SKOR1: variants seen among roughly 807,000 people sequenced by gnomAD.
SKOR1 encodes SKI family transcriptional corepressor 1.
A neutral mutation model predicts 72.4 loss-of-function variants in SKOR1; 38 were observed. The ratio of observed to expected loss-of-function variants is 0.52; its 90% CI spans 0.40 to 0.69. The LOEUF (loss-of-function observed/expected upper bound fraction) is 0.69. Ranked by LOEUF, SKOR1 falls within the 30% of genes least tolerant of loss-of-function variation. The pLI, the probability that SKOR1 is intolerant of heterozygous loss-of-function variation, is 0.00. For missense variants in SKOR1, 1,320 were observed against 1,343.2 expected (o/e 0.98, Z 0.27); for synonymous variants, 642 against 599.4 (o/e 1.07, Z -1.04).
rs1441300394 is a variant in SKOR1, at chr15:67,832,313, G to A, written c.2627G>A (p.Arg876His). The A allele has an allele frequency of 6.2e-6, 10 of 1,613,972 alleles. No individual in the cohort carries two copies. The highest frequency in any genetic ancestry group is 3.3e-5 in the Admixed American group (2 of 59,996). The change falls in exon 6 of 9, where the codon CGC becomes CAC. Residue 876 changes from arginine to histidine, a missense_variant. Arg to His is a conservative substitution (Grantham distance 29). This residue lies in a region of SKOR1 where 1,099 missense variants were observed against 1,025.5 expected (regional missense o/e 1.07). Coordinates refer to ENST00000380035, the MANE Select transcript of SKOR1 (RefSeq NM_001365915.1). The surrounding 1 kb of genome is among the most constrained non-coding windows in gnomAD (Gnocchi z 4.5). ...CTGCTCCTGGAACAAATGGAGCTCCGCAAGAAGCTGGAACGGGAATTTCAG... is the reference window on the plus strand; with the variant it reads ...CTGCTCCTGGAACAAATGGAGCTCCACAAGAAGCTGGAACGGGAATTTCAG... ...QKLLLEQMEL[R>H]KKLEREFQSL...
intron 5 of SKOR1, 52 bp downstream of exon 5, chr15:67,830,941 C>G (rs773153004): frequency 6.4e-7 from 1 of 1,565,442 alleles, no homozygotes; most frequent in Admixed American, 1.7e-5. Context: ...AGTGATGGGT[C>G]ATTCCTGTAG....
In SKOR1 at chr15:67,827,808, G is replaced by A; in HGVS notation, c.1980G>A (p.Glu660=). 2 of 1,581,166 alleles carry A rather than the reference G, an allele frequency of 1.3e-6. No homozygotes were observed. Among genetic ancestry groups the A allele is most frequent in the Non-Finnish European group, 1.7e-6 (2 of 1,163,908 alleles). ...ACGTGGACACCGCGGACGAGCCCGAGGTGGACGTGGAATCCAACCGCTTCC... is the reference window on the plus strand; with the variant it reads ...ACGTGGACACCGCGGACGAGCCCGAAGTGGACGTGGAATCCAACCGCTTCC... ...SPDVDTADEP[E]VDVESNRFPD... is the part of the protein sequence containing the mutation. The change falls in exon 2 of 9, where the codon GAG becomes GAA. Residue 660 remains glutamate (E), a synonymous_variant. Transcript: ENST00000380035.
Position 67,834,035 on chromosome 15 carries a change from GT to G in SKOR1, c.*202del, listed in dbSNP as rs559932595. 142 of 627,414 alleles carry G rather than the reference GT, an allele frequency of 2.3e-4. 1 individual carries two copies. The South Asian group carries it at 2.4e-3, about 11-fold the overall frequency. 38.9% of individuals were successfully genotyped at this position (627,414 alleles called of 1,614,324 possible). ...CGTCCCTGTCCAGGGCCCCGGCTTG[GT>G]TTCCAAGTGTAAATACCGCCTCGCG... On this transcript the variant is annotated 3_prime_UTR_variant, in exon 9 of 9. Coordinates refer to ENST00000380035, the MANE Select transcript of SKOR1 (RefSeq NM_001365915.1). This position sits in a 1 kb window ranked among gnomAD's most constrained non-coding sequence, Gnocchi z 5.8.
chr15:67,832,540 G>A lies in SKOR1; in HGVS notation c.2663-67G>A. 6.8e-7 allele frequency: 1 copy of A among 1,472,740 alleles called. No individual in the cohort carries two copies. The highest frequency in any genetic ancestry group is 1.7e-4 in the Middle Eastern group (1 of 5,796). The allele number at this position is 1,472,740 out of a possible 1,614,324, so 91.2% of individuals were successfully genotyped here. On this transcript the variant is annotated intron_variant, in intron 6 of 8. Coordinates refer to ENST00000380035, the MANE Select transcript of SKOR1 (RefSeq NM_001365915.1). The surrounding 1 kb of genome is among the most constrained non-coding windows in gnomAD (Gnocchi z 4.5). ...GGGGTAGGGGTGAAAGGGGGGGCCA[G>A]GAGTGAGAAAGTGGAGCCGGGAGAG... is the stretch of plus-strand genomic sequence containing the variant.
Position 67,826,928 on chromosome 15 carries a change from C to G in SKOR1, c.1100C>G (p.Ala367Gly). ...GGCCCAGGAGGGCCCGGTGGCGGCG[C>G]CGGCGTACGAAGCTACCCGGTGATC... is the stretch of plus-strand genomic sequence containing the variant. ...PAGPGGPGGG[A>G]GVRSYPVIPV... is the part of the protein sequence containing the mutation. The change falls in exon 2 of 9, where the codon GCC (alanine) becomes GGC (glycine). Residue 367 changes from alanine (A) to glycine (G), a missense_variant. Coordinates refer to ENST00000380035, the MANE Select transcript of SKOR1 (RefSeq NM_001365915.1). 1 of 1,572,168 alleles carries G rather than the reference C, an allele frequency of 6.4e-7. No individual in the cohort carries two copies. The highest frequency in any genetic ancestry group is 8.6e-7 in the Non-Finnish European group (1 of 1,167,232).
rs2091018586 is a variant in SKOR1 at position 67,832,734 on chromosome 15, G to T, written c.2737+53G>T. 2 of 1,439,158 alleles carry T rather than the reference G, an allele frequency of 1.4e-6. No individual in the cohort carries two copies. Among genetic ancestry groups the T allele is most frequent in the Non-Finnish European group, 2.0e-6 (2 of 1,024,096 alleles). The allele number at this position is 1,439,158 out of a possible 1,614,324, so 89.1% of individuals were successfully genotyped here. On this transcript the variant is annotated intron_variant, in intron 7 of 8. Transcript: ENST00000380035. The surrounding 1 kb of genome is among the most constrained non-coding windows in gnomAD (Gnocchi z 4.5). The stretch of plus-strand genomic sequence containing the variant: ...CACGGGCCGTAACTGCCTCTCGTCT[G>T]GCAGGAGCCGCAATGTTGGCTCAGT...
In SKOR1 at chr15:67,827,337, C is replaced by T; in HGVS notation, c.1509C>T (p.Tyr503=). 6.3e-7 allele frequency: 1 copy of T among 1,588,422 alleles called. No individual in the cohort carries two copies. The highest frequency in any genetic ancestry group is 8.5e-7 in the Non-Finnish European group (1 of 1,175,554). ...CAGGCAGCCTCCCGGTACCGTCCTA[C>T]CCCGCTGCTCAGAGCCAAGCCAAGG... is the stretch of plus-strand genomic sequence containing the variant. ...PAAGSLPVPS[Y]PAAQSQAKAV... is the part of the protein sequence containing the mutation. The change falls in exon 2 of 9, where the codon TAC becomes TAT. Residue 503 remains tyrosine, a synonymous_variant. Coordinates refer to ENST00000380035, the MANE Select transcript of SKOR1 (RefSeq NM_001365915.1).
intron 5 of SKOR1, among the ~76,000 whole-genome samples, chr15:67,831,105 A>C (rs1207730399): frequency 1.3e-5 from 2 of 152,090 alleles, no homozygotes; most frequent in Non-Finnish European, 2.9e-5. Context: ...ATGGGAGTAA[A>C]ACAAACCCCC....
chr15:67,833,850 G>A lies in SKOR1; in HGVS notation c.*14G>A, dbSNP rs1410572549. The A allele has an allele frequency of 6.2e-7, 1 of 1,604,416 alleles. No individual in the cohort carries two copies. The highest frequency in any genetic ancestry group is 8.5e-7 in the Non-Finnish European group (1 of 1,178,468). ...CTGTTGCCCTAGGGCCGGCCTGGCCGCACCCCTGCGCCCTCAAGCCATGCT... is the reference window on the plus strand; with the variant it reads ...CTGTTGCCCTAGGGCCGGCCTGGCCACACCCCTGCGCCCTCAAGCCATGCT... On this transcript the variant is annotated 3_prime_UTR_variant, in exon 9 of 9. Coordinates refer to ENST00000380035, the MANE Select transcript of SKOR1 (RefSeq NM_001365915.1). The surrounding 1 kb of genome is among the most constrained non-coding windows in gnomAD (Gnocchi z 6.0).
At position 67,827,174 on chromosome 15, in the gene SKOR1, G is replaced by T. The variant is rs1182099778; in HGVS notation, c.1346G>T (p.Gly449Val). The change falls in exon 2 of 9, where the codon GGG becomes GTG. Residue 449 changes from glycine (G) to valine (V), a missense_variant. Transcript: ENST00000380035. ...CCGGGAGCCAGCCACTTGCCCCCGG[G>T]GGCAGGGGCGGGCCCGGGCGGCGGC... ...GGPGASHLPP[G>V]AGAGPGGGAM... is the part of the protein sequence containing the mutation. 3.7e-6 allele frequency: 5 copies of T among 1,365,568 alleles called. No individual in the cohort carries two copies. Among genetic ancestry groups the T allele is most frequent in the Non-Finnish European group, 4.7e-6 (5 of 1,069,404 alleles). 84.6% of individuals were successfully genotyped at this position (1,365,568 alleles called of 1,614,324 possible).
At chr15:67,831,907 G>A (rs1344381914) in intron 5 of SKOR1, among the ~76,000 whole-genome samples, 4 of 148,532 alleles carry the variant, frequency 2.7e-5, no homozygotes, top group South Asian at 2.1e-4. Context: ...GCGGTGCGGG[G>A]GGGGGAGGTC....
intron 2 of SKOR1, 116 bp from the exon 3 acceptor site, chr15:67,829,063 C>G: frequency 1.1e-6 from 1 of 885,712 alleles, no homozygotes. Context: ...GTCCAGCGGG[C>G]GCACCAACCT....
Position 67,827,792 on chromosome 15 carries a change from C to T in SKOR1, c.1964C>T (p.Thr655Ile), listed in dbSNP as rs542173667. ...SYNSASPDVDTADEPEVDVES... is the reference protein window; with the variant it reads ...SYNSASPDVDIADEPEVDVES... Reference sequence around the variant, plus strand: ...AATTCCGCCTCGCCCGACGTGGACACCGCGGACGAGCCCGAGGTGGACGTG... The same window carrying T: ...AATTCCGCCTCGCCCGACGTGGACATCGCGGACGAGCCCGAGGTGGACGTG... Residue 655 changes from threonine (T) to isoleucine (I), a missense_variant, in exon 2 of 9, where the codon ACC becomes ATC. By Grantham distance (89) the Thr-to-Ile change is moderately conservative. Around this residue, in one of 3 missense-constraint regions of SKOR1, gnomAD observed 1,099 missense variants for 1,025.5 expected, o/e 1.07. Coordinates refer to ENST00000380035, the MANE Select transcript of SKOR1 (RefSeq NM_001365915.1). The T allele has an allele frequency of 1.6e-4, 248 of 1,570,816 alleles. 5 individuals are homozygous for T. Among genetic ancestry groups the T allele is most frequent in the South Asian group, 1.2e-3 (107 of 85,824 alleles).
chr15:67,830,759 C>T (rs1369214950), intron 4 of SKOR1, 59 bp from the exon 5 acceptor site: 2 of 1,556,406 alleles, frequency 1.3e-6, no homozygotes, highest in African/African-American at 1.4e-5. Flanking sequence ...GAAGCTCACC[C>T]CTCCCCTCTC....
In SKOR1 at chr15:67,830,316, C is replaced by A; in HGVS notation, c.2515+18C>A. On this transcript the variant is annotated intron_variant, in intron 4 of 8. Transcript: ENST00000380035. ...AGACAGAGGTGAGCCAGCCCTTGAA[C>A]CCATCGCTCTCCACCGCACCCAGGA... is the stretch of plus-strand genomic sequence containing the variant. The A allele has an allele frequency of 6.2e-7, 1 of 1,610,718 alleles. No homozygotes were observed. The highest frequency in any genetic ancestry group is 1.3e-5 in the African/African-American group (1 of 74,946).
chr15:67,829,136 C>T (rs1436929120), intron 2 of SKOR1, 43 bp from the exon 3 acceptor site: 5 of 1,489,342 alleles, frequency 3.4e-6, no homozygotes, highest in East Asian at 2.5e-5. Flanking sequence ...TGGGCCGCCG[C>T]AGGGCGCCAC....
rs1289337985 is a variant in SKOR1, at chr15:67,826,304, C to T, written c.476C>T (p.Ala159Val). The T allele has an allele frequency of 6.2e-7, 1 of 1,613,506 alleles. No individual in the cohort carries two copies. The highest frequency in any genetic ancestry group is 1.1e-5 in the South Asian group (1 of 91,074). Residue 159 changes from alanine (A) to valine (V), a missense_variant, in exon 2 of 9, where the codon GCC becomes GTC. Coordinates refer to ENST00000380035, the MANE Select transcript of SKOR1 (RefSeq NM_001365915.1). The part of the protein sequence containing the change: ...RRCGMITKRE[A>V]ERLCKSFLGE... ...TGCGGCATGATCACTAAGCGAGAGG[C>T]CGAACGCCTGTGCAAGTCGTTCCTG...
Position 67,825,915 on chromosome 15 carries a change from T to C in SKOR1, c.108-21T>C. On this transcript the variant is annotated intron_variant, in intron 1 of 8. Transcript: ENST00000380035. This position sits in a 1 kb window ranked among gnomAD's most constrained non-coding sequence, Gnocchi z 5.6. ...GGCGCTGAAAATGGCTCATCTGCTCTCTGCTTTCTCTATTTCGCAGGAGCG... is the reference window on the plus strand; with the variant it reads ...GGCGCTGAAAATGGCTCATCTGCTCCCTGCTTTCTCTATTTCGCAGGAGCG... 6.6e-7 allele frequency: 1 copy of C among 1,511,716 alleles called. No homozygotes were observed. The highest frequency in any genetic ancestry group is 8.8e-7 in the Non-Finnish European group (1 of 1,134,794). 93.6% of individuals were successfully genotyped at this position (1,511,716 alleles called of 1,614,324 possible).
At chr15:67,830,322 G>T in intron 4 of SKOR1, 24 bp downstream of exon 4, 2 of 1,600,970 alleles carry the variant, frequency 1.2e-6, no homozygotes, top group Non-Finnish European at 1.7e-6. Context: ...TGAACCCATC[G>T]CTCTCCACCG....
Sources: gnomAD v4.1 joint callset for allele counts (sites outside exome capture counted in the v4.1 genomes callset) on GRCh38, gnomAD v4.1.1 for gene constraint, gnomAD v4.1.1 regional missense constraint, Gnocchi (gnomAD v3.1) non-coding constraint, MANE v1.5 for transcripts, NCBI Gene and HGNC (gene_info 2026-07-23, HGNC 2026-07-21) for gene names.